Variants in EGFLAM observed in about 807,000 individuals in gnomAD.
The protein encoded by EGFLAM is EGF like, fibronectin type III and laminin G domains, also known as pikachurin.
Under a neutral mutation model 113.1 loss-of-function variants are expected in EGFLAM, and 79 were observed. The ratio of observed to expected loss-of-function variants is 0.70; its 90% CI spans 0.58 to 0.84. The LOEUF is 0.84. EGFLAM is among the 40% of genes least tolerant of loss of function. The pLI is 0.00. For synonymous variants in EGFLAM, 504 were observed against 487.6 expected, an observed-to-expected ratio of 1.03 and a Z score of -0.44; for missense variants, 1,265 against 1,291.6, an observed-to-expected ratio of 0.98 and a Z score of 0.32.
chr5:38,332,979 C>T (rs954447032), intron 1 of EGFLAM, among the ~76,000 whole-genome samples: 3 of 152,280 alleles, frequency 2.0e-5, no homozygotes, highest in Admixed American at 6.5e-5. Context: ...AACACCCCAG[C>T]GTCTGTTGTT....
At position 38,320,967 on chromosome 5, in the gene EGFLAM, G is replaced by A. The variant is rs182977018; in HGVS notation, c.98-16553G>A. Among the ~76,000 whole-genome samples the A allele has an allele frequency of 1.9e-3, 290 of 152,280 alleles. 1 individual carries two copies. The highest frequency in any genetic ancestry group is 6.5e-3 in the African/African-American group (272 of 41,556). On this transcript the variant is annotated intron_variant, in intron 1 of 21. Transcript: ENST00000322350. ...TTCCCCGACCTTTTTGACACCAGGG[G>A]CTGGTTTCCTGGAAGACAGTTTTTT...
intron 3 of EGFLAM, chr5:38,345,973 T>C (rs1202308347): frequency 6.6e-6 from 1 of 152,338 alleles, no homozygotes; most frequent in East Asian, 1.9e-4. Flanking sequence ...GTGAAATCAC[T>C]GAATTCAACA....
intron 12 of EGFLAM, among the ~76,000 whole-genome samples, chr5:38,422,414 G>T (rs1741858499): frequency 6.6e-6 from 1 of 152,136 alleles, no homozygotes; most frequent in Non-Finnish European, 1.5e-5. Context: ...TCGCCGCCAG[G>T]TTCTCTCTTC....
chr5:38,430,701 G>T lies in EGFLAM; in HGVS notation c.2055-476G>T, dbSNP rs573712570. 3.3e-5 allele frequency among the ~76,000 whole-genome samples: 5 copies of T among 152,286 alleles called. No homozygotes were observed. In the South Asian group the frequency reaches 1.0e-3, roughly 32 times the overall value. On this transcript the variant is annotated intron_variant, in intron 14 of 21. Transcript: ENST00000322350. ...GGCATTGGCTTGCATGATTATGGAGGCTGAGAAGTCCCCTGGCCTGCCATC... is the reference window on the plus strand; with the variant it reads ...GGCATTGGCTTGCATGATTATGGAGTCTGAGAAGTCCCCTGGCCTGCCATC...
chr5:38,292,648 G>T (rs1490385177), intron 1 of EGFLAM, among the ~76,000 whole-genome samples: 1 of 152,136 alleles, frequency 6.6e-6, no homozygotes, highest in East Asian at 1.9e-4. Flanking sequence ...ACACATAGAG[G>T]CAATTTAAGT....
intron 1 of EGFLAM, among the ~76,000 whole-genome samples, chr5:38,328,723 G>GTTTTTTTTTTTTTTTTTTTTTTTTATTTT (rs3077265): frequency 3.9e-5 from 4 of 103,024 alleles, no homozygotes; most frequent in Non-Finnish European, 7.7e-5. Flanking sequence ...AGCTATACTT[G>GTTTTTTTTTTTTTTTTTTTTTTTTATTTT]TTTTTTTTTT....
At chr5:38,444,819 C>T (rs1650200279) in intron 17 of EGFLAM, among the ~76,000 whole-genome samples, 1 of 152,152 alleles carries the variant, frequency 6.6e-6, no homozygotes, top group Non-Finnish European at 1.5e-5. Context: ...ATGGCACATG[C>T]CTATAGTCCC....
intron 12 of EGFLAM, among the ~76,000 whole-genome samples, chr5:38,420,592 C>T (rs1741790178): frequency 6.6e-6 from 1 of 152,170 alleles, no homozygotes; most frequent in Admixed American, 6.5e-5. Context: ...TAGAATAGGG[C>T]TTTGCACATC....
At position 38,317,053 on chromosome 5, in the gene EGFLAM, A is replaced by T. The variant is rs117331295; in HGVS notation, c.98-20467A>T. Among the ~76,000 whole-genome samples, 65 of 152,282 alleles carry T rather than the reference A, an allele frequency of 4.3e-4. No homozygotes were observed. The East Asian group carries it at 0.012, about 29-fold the overall frequency. On this transcript the variant is annotated intron_variant, in intron 1 of 21. Transcript: ENST00000322350. ...AAGTAATTGGAAACATCTGTTGTGA[A>T]GTCAGAGAGACCCACGGTCAAATCC...
At chr5:38,433,797 G>C (rs1024301147) in intron 15 of EGFLAM, among the ~76,000 whole-genome samples, 3 of 152,202 alleles carry the variant, frequency 2.0e-5, no homozygotes, top group Non-Finnish European at 4.4e-5. Flanking sequence ...ATTCTGCTGG[G>C]CCACAAGAAT....
intron 17 of EGFLAM, among the ~76,000 whole-genome samples, chr5:38,444,432 T>C (rs1742643616): frequency 6.6e-6 from 1 of 152,126 alleles, no homozygotes; most frequent in African/African-American, 2.4e-5. Context: ...CAATAATATA[T>C]AGTTTCAAAT....
rs111551299 is a variant in EGFLAM, at chr5:38,305,685, G to A, written c.98-31835G>A. The A allele has an allele frequency of 7.1e-3, 1,293 of 182,414 alleles. 17 individuals carry two copies. The highest frequency in any genetic ancestry group is 0.011 in the Non-Finnish European group (913 of 84,980). The allele number at this position is 182,414 out of a possible 1,614,324, so 11.3% of individuals were successfully genotyped here. ...GATAAAACATCTGACATGTCTGAAT[G>A]TCTTGAGAAGAGATTTAAAAGACTG... On this transcript the variant is annotated intron_variant, in intron 1 of 21. Transcript: ENST00000322350.
rs191124444 is a variant in EGFLAM, at chr5:38,450,018, G to A, written c.2544-1297G>A. 1.3e-3 allele frequency among the ~76,000 whole-genome samples: 192 copies of A among 152,256 alleles called. 1 individual carries two copies. The highest frequency in any genetic ancestry group is 2.0e-3 in the Admixed American group (30 of 15,296). On this transcript the variant is annotated intron_variant, in intron 18 of 21. Transcript: ENST00000322350. The stretch of plus-strand genomic sequence containing the variant: ...AAGATGACTCTGACTACATCCAGTG[G>A]AAGTCCAAAAGACTTTTTTTCTCAT...
intron 6 of EGFLAM, among the ~76,000 whole-genome samples, chr5:38,387,196 T>C (rs1740685201): frequency 6.6e-6 from 1 of 152,162 alleles, no homozygotes; most frequent in Non-Finnish European, 1.5e-5. Flanking sequence ...AGGCAGAAAG[T>C]AGAAACCCAT....
intron 1 of EGFLAM, among the ~76,000 whole-genome samples, chr5:38,263,934 A>G (rs1757566839): frequency 1.3e-5 from 2 of 152,176 alleles, no homozygotes; most frequent in South Asian, 4.1e-4. Context: ...GGCTTGCTGT[A>G]GCTCTCAAGC....
rs1740946843 is a variant in EGFLAM at position 38,395,908 on chromosome 5, CT to C, written c.713-10214del. 5.3e-5 allele frequency among the ~76,000 whole-genome samples: 8 copies of C among 152,232 alleles called. No individual in the cohort carries two copies. In the South Asian group the frequency reaches 1.5e-3, roughly 28 times the overall value. On this transcript the variant is annotated intron_variant, in intron 6 of 21. Transcript: ENST00000322350. ...CAAATGATTTATCTTTTCATCTTTGCTTTTCTAGCAGATCATCCCCATAAGG... is the reference window on the plus strand; with the variant it reads ...CAAATGATTTATCTTTTCATCTTTGCTTTCTAGCAGATCATCCCCATAAGG...
intron 1 of EGFLAM, among the ~76,000 whole-genome samples, chr5:38,322,449 T>C (rs1232698446): frequency 6.6e-6 from 1 of 152,164 alleles, no homozygotes; most frequent in Non-Finnish European, 1.5e-5. Context: ...CTGGTCCTTC[T>C]AAAACAGGGC....
At chr5:38,355,059 C>T (rs374019087) in intron 5 of EGFLAM, among the ~76,000 whole-genome samples, 136 of 152,056 alleles carry the variant, frequency 8.9e-4, no homozygotes, top group African/African-American at 3.1e-3. Flanking sequence ...AAAAGAGAGC[C>T]GGAGATAAGG....
At chr5:38,427,489 G>A (rs1012559156) in intron 14 of EGFLAM, 3 of 554,552 alleles carry the variant, frequency 5.4e-6, no homozygotes, top group Non-Finnish European at 9.1e-6. Context: ...GGTAGCAATT[G>A]TATGCTTCAA....
Sources: gnomAD v4.1 joint callset for allele counts (sites outside exome capture counted in the v4.1 genomes callset) on GRCh38, gnomAD v4.1.1 for gene constraint, MANE v1.5 for transcripts, NCBI Gene and HGNC (gene_info 2026-07-23, HGNC 2026-07-21) for gene names.